Variants in LINC00305 observed in about 807,000 individuals in gnomAD.
LINC00305 encodes the protein long independently transcribed non-coding RNA 305, also known as long intergenic non-protein coding RNA 305.
At position 64,147,977 on chromosome 18, in the gene LINC00305, A is replaced by G. The variant is rs146066392; in HGVS notation, n.314+798T>C. 1.5e-3 allele frequency among the ~76,000 whole-genome samples: 225 copies of G among 151,980 alleles called. 1 individual carries two copies. In the East Asian group the frequency reaches 0.038, roughly 26 times the overall value. On this transcript the variant is annotated intron_variant and non_coding_transcript_variant, in intron 1 of 3. Transcript: ENST00000666468. ...CAATAGCACACATTCTTTCTGGGAC[A>G]TCTGGTAACATCATAGGGAACCATC... is the stretch of plus-strand genomic sequence containing the variant.
chr18:64,093,264 C>G (rs868587517), intron 3 of LINC00305, among the ~76,000 whole-genome samples: 1 of 152,330 alleles, frequency 6.6e-6, no homozygotes, highest in Middle Eastern at 3.4e-3. Flanking sequence ...CATGAATATA[C>G]CTGACAGCCA....
At chr18:64,127,090 C>A (rs981302734) in intron 1 of LINC00305, among the ~76,000 whole-genome samples, 1 of 152,060 alleles carries the variant, frequency 6.6e-6, no homozygotes, top group Non-Finnish European at 1.5e-5. Flanking sequence ...CGCCCCCTGC[C>A]AAGTAACCAA....
intron 1 of LINC00305, among the ~76,000 whole-genome samples, chr18:64,126,352 A>G (rs189785718): frequency 6.6e-6 from 1 of 151,420 alleles, no homozygotes; most frequent in Non-Finnish European, 1.5e-5. Context: ...ATACTTTCTT[A>G]AAAAAATTAC....
chr18:64,140,235 G>C (rs1417675363), intron 1 of LINC00305, among the ~76,000 whole-genome samples: 4 of 151,772 alleles, frequency 2.6e-5, no homozygotes, highest in Non-Finnish European at 5.9e-5. Context: ...TTGAGACAGA[G>C]TCTCACTCTG....
rs1469525747 is a variant in LINC00305, at chr18:64,107,818, C to T, written n.315-9178G>A. On this transcript the variant is annotated intron_variant and non_coding_transcript_variant, in intron 1 of 3. Coordinates refer to ENST00000666468, the Ensembl canonical transcript of LINC00305. ...GAGGGAGGATTAAAGGTCGGTGAGG[C>T]CCTACCACCTGAGACCTGTCCATAA... Among the ~76,000 whole-genome samples, 8 of 152,224 alleles carry T rather than the reference C, an allele frequency of 5.3e-5. No individual in the cohort carries two copies. In the East Asian group the frequency reaches 1.5e-3, roughly 29 times the overall value.
At chr18:64,084,436 G>A (rs776128181) in intron 3 of LINC00305, among the ~76,000 whole-genome samples, 1 of 152,040 alleles carries the variant, frequency 6.6e-6, no homozygotes, top group Non-Finnish European at 1.5e-5. Context: ...TACCGCAAAT[G>A]TTACCCTGGT....
At position 64,136,229 on chromosome 18, in the gene LINC00305, A is replaced by G. The variant is rs374628881; in HGVS notation, n.314+12546T>C. Among the ~76,000 whole-genome samples the G allele has an allele frequency of 7.9e-5, 12 of 152,306 alleles. No homozygotes were observed. In the South Asian group the frequency reaches 1.7e-3, roughly 21 times the overall value. ...TGTATGATACAGGACTTGTTTAGGT[A>G]TCTGCCTTCCAAGTACAGATGAGGG... On this transcript the variant is annotated intron_variant and non_coding_transcript_variant, in intron 1 of 3. Transcript: ENST00000666468.
intron 1 of LINC00305, among the ~76,000 whole-genome samples, chr18:64,112,194 C>T (rs2051317519): frequency 6.6e-6 from 1 of 152,072 alleles, no homozygotes; most frequent in African/African-American, 2.4e-5. Context: ...ATCTGTGAAA[C>T]TAATGCAAAA....
intron 1 of LINC00305, among the ~76,000 whole-genome samples, chr18:64,131,163 C>T (rs111658693): frequency 2.2e-3 from 331 of 152,254 alleles, no homozygotes; most frequent in African/African-American, 7.6e-3. Context: ...AGAAATAATA[C>T]GTTCATCAAT....
intron 1 of LINC00305, among the ~76,000 whole-genome samples, chr18:64,126,619 T>C (rs2051386654): frequency 6.6e-6 from 1 of 152,158 alleles, no homozygotes; most frequent in Admixed American, 6.6e-5. Flanking sequence ...ATGGGAATTC[T>C]GAGACTGGCT....
chr18:64,148,407 ATTTT>A (rs11338483), intron 1 of LINC00305, among the ~76,000 whole-genome samples: 14 of 150,074 alleles, frequency 9.3e-5, no homozygotes, highest in African/African-American at 3.4e-4. Flanking sequence ...AGAAAAATGC[ATTTT>A]TTTTTTTTTG....
intron 1 of LINC00305, among the ~76,000 whole-genome samples, chr18:64,107,354 G>A (rs964123882): frequency 3.9e-5 from 6 of 152,210 alleles, no homozygotes; most frequent in African/African-American, 1.4e-4. Flanking sequence ...GTAAGGGGGA[G>A]GACTGTGACC....
chr18:64,086,151 A>G (rs940654188), intron 3 of LINC00305, among the ~76,000 whole-genome samples: 11 of 152,222 alleles, frequency 7.2e-5, no homozygotes, highest in Non-Finnish European at 1.2e-4. Flanking sequence ...GAGCTGGCCC[A>G]AAAATGTTCT....
At position 64,081,072 on chromosome 18, in the gene LINC00305, A is replaced by G. The variant is rs979201627; in HGVS notation, n.541-670T>C. Among the ~76,000 whole-genome samples the G allele has an allele frequency of 1.3e-4, 20 of 152,216 alleles. No individual in the cohort carries two copies. The South Asian group carries it at 4.1e-3, about 32-fold the overall frequency. ...TAAACACATTTATCCAATATAATCC[A>G]TCTGGAAAAGAAGAGCAGGCTTGGT... On this transcript the variant is annotated intron_variant and non_coding_transcript_variant, in intron 3 of 3. Transcript: ENST00000666468.
intron 1 of LINC00305, among the ~76,000 whole-genome samples, chr18:64,125,592 T>C (rs2051381405): frequency 6.6e-6 from 1 of 151,768 alleles, no homozygotes; most frequent in Admixed American, 6.6e-5. Context: ...AATATATACA[T>C]ACATGTGTAT....
intron 1 of LINC00305, among the ~76,000 whole-genome samples, chr18:64,108,029 A>G (rs755229113): frequency 1.9e-4 from 29 of 152,194 alleles, no homozygotes; most frequent in Non-Finnish European, 2.5e-4. Context: ...ACAATTGGTG[A>G]TTGGTGTGCT....
At chr18:64,089,656 C>T (rs1023342278) in intron 3 of LINC00305, among the ~76,000 whole-genome samples, 4 of 152,152 alleles carry the variant, frequency 2.6e-5, no homozygotes, top group South Asian at 2.1e-4. Flanking sequence ...CTGATAAAGA[C>T]ATACCCAAGA....
intron 1 of LINC00305, among the ~76,000 whole-genome samples, chr18:64,099,856 C>CA (rs2051261251): frequency 6.6e-6 from 1 of 151,990 alleles, no homozygotes; most frequent in South Asian, 2.1e-4. Context: ...TCAAACGGCA[C>CA]AAAAAATGGT....
At chr18:64,142,963 G>T (rs970023183) in intron 1 of LINC00305, among the ~76,000 whole-genome samples, 1 of 152,052 alleles carries the variant, frequency 6.6e-6, no homozygotes, top group South Asian at 2.1e-4. Flanking sequence ...AAACAGAATA[G>T]AAACTACAAT....
Sources: gnomAD v4.1 joint callset for allele counts (sites outside exome capture counted in the v4.1 genomes callset) on GRCh38, gnomAD v4.1.1 for gene constraint, MANE v1.5 for transcripts, NCBI Gene and HGNC (gene_info 2026-07-23, HGNC 2026-07-21) for gene names.